The following TTLL5 variants were observed in gnomAD, a reference collection of about 807,000 sequenced individuals.
TTLL5 encodes tubulin tyrosine ligase like 5.
TTLL5 carries 132 observed loss-of-function variants against 168.4 expected under a neutral mutation model. The ratio of observed to expected loss-of-function variants is 0.78; its 90% CI spans 0.68 to 0.91. TTLL5 has a LOEUF of 0.91. Among genes scored for constraint, TTLL5 ranks in the 40% least tolerant of loss-of-function variants. The pLI is 0.00. For missense variants in TTLL5, 1,545 were observed against 1,581.5 expected, an observed-to-expected ratio of 0.98 and a Z score of 0.39; for synonymous variants, 546 against 558.6, an observed-to-expected ratio of 0.98 and a Z score of 0.32.
intron 5 of TTLL5, among the ~76,000 whole-genome samples, chr14:75,687,370 T>A (rs1885142135): frequency 6.6e-6 from 1 of 152,026 alleles, no homozygotes; most frequent in South Asian, 2.1e-4. Context: ...GCCTCCTGGG[T>A]TCAAGCGATT....
At chr14:75,755,220 G>A (rs61980794) in intron 18 of TTLL5, among the ~76,000 whole-genome samples, 15,355 of 151,356 alleles carry the variant, frequency 0.1, 946 homozygotes, top group Non-Finnish European at 0.13. Context: ...AGCTAAGATC[G>A]CACCATTGCA....
chr14:75,679,122 T>C (rs1221969333), intron 3 of TTLL5, among the ~76,000 whole-genome samples: 1 of 152,246 alleles, frequency 6.6e-6, no homozygotes, highest in African/African-American at 2.4e-5. Flanking sequence ...GAATATGTTA[T>C]CTTACATGGC....
At chr14:75,749,567 G>T (rs1254181125) in intron 17 of TTLL5, among the ~76,000 whole-genome samples, 1 of 149,960 alleles carries the variant, frequency 6.7e-6, no homozygotes, top group Non-Finnish European at 1.5e-5. Context: ...CCCTATAGGA[G>T]CAGTAGAGGA....
chr14:75,733,218 G>A (rs1196173456), intron 13 of TTLL5, among the ~76,000 whole-genome samples: 1 of 152,184 alleles, frequency 6.6e-6, no homozygotes, highest in Non-Finnish European at 1.5e-5. Flanking sequence ...CTTTCGTCAA[G>A]TCAGCCTTTT....
intron 26 of TTLL5, among the ~76,000 whole-genome samples, chr14:75,791,510 T>G (rs1409802408): frequency 6.6e-6 from 1 of 152,202 alleles, no homozygotes; most frequent in African/African-American, 2.4e-5. Flanking sequence ...GTATTTTGTT[T>G]GTATATGCAT....
chr14:75,908,923 T>C (rs917918505), intron 31 of TTLL5, among the ~76,000 whole-genome samples: 2 of 152,106 alleles, frequency 1.3e-5, no homozygotes, highest in African/African-American at 4.8e-5. Context: ...ACTACAGGCA[T>C]GTGCCACAAT....
At chr14:75,809,463 ATTTTGGGGGGTACATAT>A (rs984340080) in intron 27 of TTLL5, among the ~76,000 whole-genome samples, 23 of 152,240 alleles carry the variant, frequency 1.5e-4, no homozygotes, top group African/African-American at 5.3e-4. Flanking sequence ...AGTGTTACAT[ATTTTGGGGGGTACATAT>A]GATGTTTAGA....
intron 27 of TTLL5, among the ~76,000 whole-genome samples, chr14:75,809,314 A>G (rs1045209453): frequency 6.6e-6 from 1 of 152,202 alleles, no homozygotes; most frequent in South Asian, 2.1e-4. Flanking sequence ...GCATATAACC[A>G]TTAATATCAA....
At chr14:75,739,063 C>T (rs991891611) in intron 15 of TTLL5, among the ~76,000 whole-genome samples, 2 of 152,150 alleles carry the variant, frequency 1.3e-5, no homozygotes, top group African/African-American at 4.8e-5. Context: ...TGCCTCGGCC[C>T]TCCCAAAGTG....
intron 30 of TTLL5, among the ~76,000 whole-genome samples, chr14:75,888,514 A>G (rs530691708): frequency 6.6e-6 from 1 of 152,352 alleles, no homozygotes; most frequent in South Asian, 2.1e-4. Flanking sequence ...GACAGAATCC[A>G]TCCACATCAG....
Position 75,766,143 on chromosome 14 carries a change from A to G in TTLL5, c.1790A>G (p.Asp597Gly), listed in dbSNP as rs143814508. Residue 597 changes from aspartate (D) to glycine (G), a missense_variant, in exon 20 of 32, where the codon GAT becomes GGT. Physicochemically the swap from Asp to Gly is moderately conservative, Grantham distance 94 (BLOSUM62 -1). Coordinates refer to ENST00000298832, the MANE Select transcript of TTLL5 (RefSeq NM_015072.5). ...EEEEVALDNE[D>G]EEQEASQEES... is the part of the protein sequence containing the mutation. ...GAAGAAGTCGCATTAGATAATGAAG[A>G]TGAAGAACAGGAGGCTTCCCAGGAG... 8.5e-5 allele frequency: 137 copies of G among 1,613,984 alleles called. No individual in the cohort carries two copies. The highest frequency in any genetic ancestry group is 1.1e-4 in the Non-Finnish European group (124 of 1,180,012).
intron 28 of TTLL5, among the ~76,000 whole-genome samples, chr14:75,857,416 G>GATAGATAC (rs906308810): frequency 1.3e-5 from 2 of 150,756 alleles, no homozygotes; most frequent in Non-Finnish European, 3.0e-5. Context: ...TAGATAGATA[G>GATAGATAC]ATTTTATTAG....
chr14:75,932,456 G>C (rs539642350), intron 31 of TTLL5, among the ~76,000 whole-genome samples: 2 of 152,286 alleles, frequency 1.3e-5, no homozygotes, highest in Admixed American at 1.3e-4. Context: ...TCACGATGGA[G>C]TTTTTTGCTG....
At chr14:75,857,893 C>T (rs1897214951) in intron 28 of TTLL5, among the ~76,000 whole-genome samples, 1 of 151,896 alleles carries the variant, frequency 6.6e-6, no homozygotes, top group South Asian at 2.1e-4. Context: ...TTAAGCGATC[C>T]GCCCACCTCG....
intron 30 of TTLL5, among the ~76,000 whole-genome samples, chr14:75,894,521 C>G (rs1247316593): frequency 6.6e-6 from 1 of 152,148 alleles, no homozygotes; most frequent in East Asian, 1.9e-4. Flanking sequence ...CGCCACTGCA[C>G]TTCAGCCTGG....
chr14:75,839,767 T>C (rs1031689374), intron 28 of TTLL5, among the ~76,000 whole-genome samples: 3 of 152,256 alleles, frequency 2.0e-5, no homozygotes, highest in Non-Finnish European at 4.4e-5. Context: ...ATCACCATCC[T>C]AACGGGTGTG....
At chr14:75,753,383 A>G (rs1890072010) in intron 18 of TTLL5, among the ~76,000 whole-genome samples, 1 of 152,204 alleles carries the variant, frequency 6.6e-6, no homozygotes, top group Non-Finnish European at 1.5e-5. Context: ...AGAAATGACA[A>G]CTGATAATCT....
intron 26 of TTLL5, among the ~76,000 whole-genome samples, chr14:75,787,620 G>A (rs1006969135): frequency 1.3e-5 from 2 of 152,086 alleles, no homozygotes; most frequent in Admixed American, 6.5e-5. Context: ...AATGCAGAAA[G>A]GATAAAGAGG....
At chr14:75,912,346 T>C (rs911385973) in intron 31 of TTLL5, among the ~76,000 whole-genome samples, 2 of 152,070 alleles carry the variant, frequency 1.3e-5, no homozygotes, top group Non-Finnish European at 2.9e-5. Flanking sequence ...GGTACTAGGG[T>C]AGTATGATTG....
Sources: allele counts gnomAD v4.1 joint callset (sites outside exome capture counted in the v4.1 genomes callset), GRCh38; gene constraint gnomAD v4.1.1; transcripts MANE v1.5; gene names NCBI Gene and HGNC (gene_info 2026-07-23, HGNC 2026-07-21).